The following SCARB1 variants were observed in gnomAD, a reference collection of about 807,000 sequenced individuals.
SCARB1 encodes the protein scavenger receptor class B member 1, also known as CD36 and LIMPII analogous 1.
In SCARB1, 30 loss-of-function variants were observed where a neutral mutation model predicts 57.2. The observed-to-expected ratio is 0.52, with a 90% confidence interval of 0.39 to 0.71. SCARB1 has a LOEUF of 0.71. Ranked by LOEUF, SCARB1 falls within the 30% of genes least tolerant of loss-of-function variation. The pLI is 0.00. For synonymous variants in SCARB1, 249 were observed against 268.3 expected (o/e 0.93, Z 0.70); for missense variants, 543 against 671.2 (o/e 0.81, Z 2.11).
intron 1 of SCARB1, among the ~76,000 whole-genome samples, chr12:124,835,641 TA>T (rs34785993): frequency 3.3e-5 from 5 of 151,734 alleles, no homozygotes; most frequent in Non-Finnish European, 5.9e-5. Context: ...CCGCCCCCAC[TA>T]AAAAAAACAC....
chr12:124,829,650 G>T (rs1951308314), intron 1 of SCARB1, among the ~76,000 whole-genome samples: 1 of 152,124 alleles, frequency 6.6e-6, no homozygotes, highest in Non-Finnish European at 1.5e-5. Flanking sequence ...TCCTCCAGGG[G>T]CAATCTTTCC....
In SCARB1 at chr12:124,839,317, C is replaced by T. The variant is rs560152107; in HGVS notation, c.127-21610G>A. The T allele has an allele frequency of 3.5e-3, 1,597 of 450,036 alleles. 26 individuals carry two copies. The highest frequency in any genetic ancestry group is 0.017 in the South Asian group (1,112 of 64,220). 27.9% of individuals were successfully genotyped at this position (450,036 alleles called of 1,614,324 possible). Reference sequence around the variant, plus strand: ...CAAATGGAATCGTACGGTATTTGTCCTGTTGTGGCTTATTTCACTCGCATA... The same window carrying T: ...CAAATGGAATCGTACGGTATTTGTCTTGTTGTGGCTTATTTCACTCGCATA... On this transcript the variant is annotated intron_variant, in intron 1 of 12. Transcript: ENST00000261693.
chr12:124,843,289 A>T (rs1276482333), intron 1 of SCARB1, among the ~76,000 whole-genome samples: 1 of 33,522 alleles, frequency 3.0e-5, no homozygotes, highest in South Asian at 1.2e-3. Flanking sequence ...TTCTGTGGAG[A>T]TGGGGGGGGG....
At position 124,812,017 on chromosome 12, in the gene SCARB1, C is replaced by A. The variant is rs755909827; in HGVS notation, c.631-52G>T. The A allele has an allele frequency of 7.1e-7, 1 of 1,401,468 alleles. No individual in the cohort carries two copies. The highest frequency in any genetic ancestry group is 2.4e-5 in the East Asian group (1 of 41,104). 86.8% of individuals were successfully genotyped at this position (1,401,468 alleles called of 1,614,324 possible). A position where few individuals can be genotyped will look rare whatever the true frequency, so the allele number is the denominator to read the frequency against. ...GTAAGGCTTAGGCCTGCCATTGAGC[C>A]GGCCTGGTCTGAACATTCTGGGCTG... is the stretch of plus-strand genomic sequence containing the variant. On this transcript the variant is annotated intron_variant, in intron 4 of 12. Coordinates refer to ENST00000261693, the MANE Select transcript of SCARB1 (RefSeq NM_005505.5). The surrounding 1 kb of genome is among the most constrained non-coding windows in gnomAD (Gnocchi z 4.3).
At chr12:124,841,449 T>C (rs1594363447) in intron 1 of SCARB1, among the ~76,000 whole-genome samples, 2 of 139,676 alleles carry the variant, frequency 1.4e-5, no homozygotes, top group African/African-American at 2.7e-5. Context: ...GCCACTGCAC[T>C]CCAGCCTGGG....
At chr12:124,835,571 T>C (rs986547602) in intron 1 of SCARB1, among the ~76,000 whole-genome samples, 3 of 152,134 alleles carry the variant, frequency 2.0e-5, no homozygotes, top group Non-Finnish European at 4.4e-5. Flanking sequence ...CACCCAGCCC[T>C]TGAAATTTTT....
chr12:124,805,725 ATTTTTTT>A (rs755476758), intron 7 of SCARB1, among the ~76,000 whole-genome samples: 25 of 79,590 alleles, frequency 3.1e-4, no homozygotes, highest in African/African-American at 8.6e-4. Context: ...TGCCTAGCTA[ATTTTTTT>A]TTTTTTTTTT....
intron 1 of SCARB1, among the ~76,000 whole-genome samples, chr12:124,851,025 C>T (rs890824850): frequency 5.3e-5 from 8 of 152,226 alleles, no homozygotes; most frequent in African/African-American, 1.9e-4. Flanking sequence ...TCACAGCAGT[C>T]CATTACTCGA....
At position 124,786,398 on chromosome 12, in the gene SCARB1, C is replaced by T. The variant is rs11555540; in HGVS notation, c.1360G>A (p.Val454Ile). The T allele has an allele frequency of 1.5e-5, 24 of 1,614,044 alleles. No homozygotes were observed. Among genetic ancestry groups the T allele is most frequent in the South Asian group, 8.8e-5 (8 of 91,092 alleles). The change falls in exon 11 of 13, where the codon GTC becomes ATC. Residue 454 changes from valine (V) to isoleucine (I), a missense_variant. By Grantham distance (29) the Val-to-Ile change is conservative. Transcript: ENST00000261693. ...AQYVLLALGC[V>I]LLLVPVICQI... The stretch of plus-strand genomic sequence containing the variant: ...CAGATGACAGGGACCAGCAGCAGGA[C>T]GCAGCCCAGCGCCAGGAGGACGTAC...
chr12:124,828,066 G>C (rs10846745), intron 1 of SCARB1, among the ~76,000 whole-genome samples: 75,106 of 151,838 alleles, frequency 0.49, 19,246 homozygotes, highest in Middle Eastern at 0.66. Flanking sequence ...GAAATGTCTA[G>C]CGGGTGGTAA....
At position 124,854,997 on chromosome 12, in the gene SCARB1, C is replaced by T. The variant is rs187784548; in HGVS notation, c.126+8598G>A. Among the ~76,000 whole-genome samples the T allele has an allele frequency of 7.8e-4, 118 of 152,206 alleles. 1 individual carries two copies. The highest frequency in any genetic ancestry group is 4.8e-3 in the East Asian group (25 of 5,178). ...ACCCCAGGGATGAGGGATGAGGACA[C>T]ACAGAAAGGATGCCTGGAGCTCCAC... On this transcript the variant is annotated intron_variant, in intron 1 of 12. Coordinates refer to ENST00000261693, the MANE Select transcript of SCARB1 (RefSeq NM_005505.5).
At chr12:124,818,937 G>A (rs1950840469) in intron 1 of SCARB1, among the ~76,000 whole-genome samples, 1 of 152,160 alleles carries the variant, frequency 6.6e-6, no homozygotes, top group African/African-American at 2.4e-5. Flanking sequence ...TTACAGGCAT[G>A]AGCCACTGTG....
rs956924789 is a variant in SCARB1, at chr12:124,800,705, G to A, written c.1010-463C>T. On this transcript the variant is annotated intron_variant, in intron 7 of 12. Coordinates refer to ENST00000261693, the MANE Select transcript of SCARB1 (RefSeq NM_005505.5). This position sits in a 1 kb window ranked among gnomAD's most constrained non-coding sequence, Gnocchi z 4.8. ...GCCCACACTGTCCCCTGCAGGACAC[G>A]CAGCAATGATCGGAGCTCAGGTGTG... is the stretch of plus-strand genomic sequence containing the variant. Among the ~76,000 whole-genome samples, 3 of 152,186 alleles carry A rather than the reference G, an allele frequency of 2.0e-5. No homozygotes were observed. The highest frequency in any genetic ancestry group is 4.4e-5 in the Non-Finnish European group (3 of 68,024).
At chr12:124,827,998 G>A (rs1951233300) in intron 1 of SCARB1, among the ~76,000 whole-genome samples, 1 of 152,106 alleles carries the variant, frequency 6.6e-6, no homozygotes, top group African/African-American at 2.4e-5. Context: ...CAGGAGCTCT[G>A]TAAATATTTT....
At chr12:124,801,501 G>A (rs1170927202) in intron 7 of SCARB1, among the ~76,000 whole-genome samples, 2 of 152,222 alleles carry the variant, frequency 1.3e-5, no homozygotes, top group Non-Finnish European at 2.9e-5. Flanking sequence ...TTGAATCAGA[G>A]GCCAGGCACG....
chr12:124,803,984 G>C (rs1442703048), intron 7 of SCARB1, among the ~76,000 whole-genome samples: 1 of 152,188 alleles, frequency 6.6e-6, no homozygotes, highest in Admixed American at 6.5e-5. Flanking sequence ...AGAGAAGGCG[G>C]GACACACCTC....
chr12:124,855,351 G>A (rs1952584761), intron 1 of SCARB1, among the ~76,000 whole-genome samples: 2 of 152,328 alleles, frequency 1.3e-5, no homozygotes, highest in South Asian at 4.1e-4. Context: ...GGGAGCTTCT[G>A]AGCAGGCGGA....
chr12:124,844,509 G>C (rs909487319), intron 1 of SCARB1, among the ~76,000 whole-genome samples: 39 of 152,218 alleles, frequency 2.6e-4, no homozygotes, highest in Non-Finnish European at 5.1e-4. Flanking sequence ...CGGTGCATCA[G>C]AATGTGACTG....
At chr12:124,819,096 C>G (rs1950849079) in intron 1 of SCARB1, among the ~76,000 whole-genome samples, 1 of 151,068 alleles carries the variant, frequency 6.6e-6, no homozygotes, top group South Asian at 2.1e-4. Context: ...CATTTGTACT[C>G]CAGCCTGGGT....
Sources: gnomAD v4.1 joint callset for allele counts (sites outside exome capture counted in the v4.1 genomes callset) on GRCh38, gnomAD v4.1.1 for gene constraint, Gnocchi (gnomAD v3.1) non-coding constraint, MANE v1.5 for transcripts, NCBI Gene and HGNC (gene_info 2026-07-23, HGNC 2026-07-21) for gene names.